Variants in CCDC30 observed in about 807,000 individuals in gnomAD.
CCDC30 encodes the protein coiled-coil domain-containing protein 30.
CCDC30 carries 70 observed loss-of-function variants against 100.2 expected under a neutral mutation model. The observed-to-expected ratio is 0.70, with a 90% CI of 0.58 to 0.85. The LOEUF (loss-of-function observed/expected upper bound fraction) is 0.85, where lower values mean the gene tolerates loss of function less well. CCDC30 is among the 40% of genes least tolerant of loss of function. CCDC30 has a pLI of 0.00. For synonymous variants in CCDC30, 233 were observed against 269.5 expected, an observed-to-expected ratio of 0.86 and a Z score of 1.33; for missense variants, 652 against 771.2, an observed-to-expected ratio of 0.85 and a Z score of 1.83.
At chr1:42,530,285 T>G (rs1345103098) in intron 6 of CCDC30, among the ~76,000 whole-genome samples, 2 of 152,206 alleles carry the variant, frequency 1.3e-5, no homozygotes, top group African/African-American at 4.8e-5. Context: ...CAATAAGATA[T>G]TTAGAGAGAG....
In CCDC30 at chr1:42,500,226, C is replaced by A. The variant is rs1377443923; in HGVS notation, c.456+1310C>A. On this transcript the variant is annotated intron_variant, in intron 6 of 16. Transcript: ENST00000668663. ...CTCATTATGATTCGCCTGCTTGCTT[C>A]TCCTGTTCAATCGTTTCTTTGGAAG... 6 of 1,591,110 alleles carry A rather than the reference C, an allele frequency of 3.8e-6. No homozygotes were observed. In the African/African-American group the frequency reaches 8.1e-5, roughly 21 times the overall value.
chr1:42,639,317 G>A (rs141114517), intron 12 of CCDC30, among the ~76,000 whole-genome samples: 1 of 152,136 alleles, frequency 6.6e-6, no homozygotes, highest in Non-Finnish European at 1.5e-5. Flanking sequence ...TACAAGCCAA[G>A]AAATAGCAAG....
At chr1:42,524,588 A>G (rs58527966) in intron 6 of CCDC30, among the ~76,000 whole-genome samples, 2,196 of 152,256 alleles carry the variant, frequency 0.014, 52 homozygotes, top group African/African-American at 0.051. Context: ...GCAATCACCC[A>G]TCAGAACACA....
chr1:42,562,095 G>GA (rs1266703713), intron 6 of CCDC30, among the ~76,000 whole-genome samples: 12 of 152,140 alleles, frequency 7.9e-5, no homozygotes, highest in Non-Finnish European at 1.5e-4. Context: ...CACAGAATTA[G>GA]AAAAAACTAT....
intron 1 of CCDC30, among the ~76,000 whole-genome samples, chr1:42,475,768 A>G (rs557748436): frequency 7.9e-5 from 12 of 152,280 alleles, no homozygotes; most frequent in African/African-American, 2.9e-4. Context: ...TATTATAATC[A>G]GTATCAGCTC....
In CCDC30 at chr1:42,629,825, C is replaced by T. The variant is rs546516515; in HGVS notation, c.1278-7412C>T. Among the ~76,000 whole-genome samples, 36 of 151,336 alleles carry T rather than the reference C, an allele frequency of 2.4e-4. No individual in the cohort carries two copies. The East Asian group carries it at 2.5e-3, about 11-fold the overall frequency. On this transcript the variant is annotated intron_variant, in intron 11 of 16. Transcript: ENST00000668663. ...GACATGGGGTTTCACCATATTGGCC[C>T]GGCTGGTCTTGAACTCCTGACCTCG...
At chr1:42,548,654 T>C (rs1447257542) in intron 6 of CCDC30, among the ~76,000 whole-genome samples, 1 of 152,152 alleles carries the variant, frequency 6.6e-6, no homozygotes, top group African/African-American at 2.4e-5. Context: ...ACTCATGACA[T>C]GGTCATGCAA....
At chr1:42,484,749 C>T (rs1644022753) in intron 3 of CCDC30, among the ~76,000 whole-genome samples, 2 of 152,026 alleles carry the variant, frequency 1.3e-5, no homozygotes, top group African/African-American at 4.8e-5. Flanking sequence ...CCCTTTAGTT[C>T]TCTTTAGTTT....
chr1:42,653,583 A>G (rs1648534431), intron 16 of CCDC30, 140 bp downstream of exon 20: 2 of 654,856 alleles, frequency 3.1e-6, no homozygotes, highest in African/African-American at 1.8e-5. Context: ...CTCTACATGA[A>G]TTATTTGAAT....
intron 12 of CCDC30, among the ~76,000 whole-genome samples, chr1:42,640,606 A>G (rs1443279712): frequency 1.3e-5 from 2 of 152,112 alleles, no homozygotes; most frequent in African/African-American, 4.8e-5. Context: ...TTAATAATAG[A>G]TGGATGGCCA....
chr1:42,628,550 C>G (rs957090878), intron 11 of CCDC30, among the ~76,000 whole-genome samples: 1 of 152,156 alleles, frequency 6.6e-6, no homozygotes, highest in Non-Finnish European at 1.5e-5. Context: ...AAAATTCCCA[C>G]ATGTTGTGCA....
intron 13 of CCDC30, among the ~76,000 whole-genome samples, chr1:42,644,199 A>C (rs1647684338): frequency 6.6e-6 from 1 of 152,206 alleles, no homozygotes; most frequent in Non-Finnish European, 1.5e-5. Context: ...AAAGTCCACA[A>C]TAGGCTGTCC....
At chr1:42,487,089 C>T (rs1024549873) in intron 3 of CCDC30, among the ~76,000 whole-genome samples, 1 of 115,208 alleles carries the variant, frequency 8.7e-6, no homozygotes, top group African/African-American at 3.4e-5. Context: ...CCAACCTGAG[C>T]AACATAGTGA....
At chr1:42,506,567 G>A (rs1400577911) in intron 6 of CCDC30, among the ~76,000 whole-genome samples, 1 of 152,132 alleles carries the variant, frequency 6.6e-6, no homozygotes, top group Non-Finnish European at 1.5e-5. Context: ...TTTGGAACAT[G>A]TATTAGTATT....
chr1:42,580,086 T>C (rs1016544), intron 8 of CCDC30, among the ~76,000 whole-genome samples: 85,418 of 152,054 alleles, frequency 0.56, 24,290 homozygotes, highest in East Asian at 0.81. Context: ...AAATGTTCCC[T>C]TTCTTAAATT....
chr1:42,629,672 C>T (rs1646998290), intron 11 of CCDC30, among the ~76,000 whole-genome samples: 1 of 151,832 alleles, frequency 6.6e-6, no homozygotes, highest in Non-Finnish European at 1.5e-5. Flanking sequence ...CACTCTGTCA[C>T]CCAGGCTGGA....
At chr1:42,550,703 A>G (rs902757813) in intron 6 of CCDC30, among the ~76,000 whole-genome samples, 1 of 152,100 alleles carries the variant, frequency 6.6e-6, no homozygotes, top group Non-Finnish European at 1.5e-5. Context: ...GACTTATCAT[A>G]GTTGGTAATT....
At chr1:42,606,390 G>A (rs574174159) in intron 10 of CCDC30, among the ~76,000 whole-genome samples, 3 of 152,194 alleles carry the variant, frequency 2.0e-5, no homozygotes, top group African/African-American at 7.2e-5. Flanking sequence ...TGATTCTCCC[G>A]TTTCAGACTC....
chr1:42,500,466 T>A, intron 6 of CCDC30: 1 of 635,354 alleles, frequency 1.6e-6, no homozygotes, highest in Non-Finnish European at 2.8e-6. Context: ...CAGGCTAGAG[T>A]GCAGTGGCGT....
Sources: gnomAD v4.1 joint callset for allele counts (sites outside exome capture counted in the v4.1 genomes callset) on GRCh38, gnomAD v4.1.1 for gene constraint, MANE v1.5 for transcripts, NCBI Gene and HGNC (gene_info 2026-07-23, HGNC 2026-07-21) for gene names.